Variants in ANK2 observed in about 807,000 individuals in gnomAD.
The protein encoded by ANK2 is ankyrin 2.
Under a neutral mutation model 360.5 loss-of-function variants are expected in ANK2, and 83 were observed. That is an observed-to-expected ratio of 0.23 (90% CI 0.19 to 0.28). The LOEUF (loss-of-function observed/expected upper bound fraction) is 0.28, where lower values mean the gene tolerates loss of function less well. Among genes scored for constraint, ANK2 ranks in the 10% least tolerant of loss-of-function variants. ANK2 has a pLI of 1.00. For missense variants in ANK2, 4,201 were observed against 4,795.7 expected (o/e 0.88, Z 3.66); for synonymous variants, 1,740 against 1,759.5 (o/e 0.99, Z 0.28).
At position 113,278,709 on chromosome 4, in the gene ANK2, T is replaced by C; in HGVS notation, c.1881+151T>C. ...TATTGACACCCTTTTTTTTCCCTTGTATTTCTGCCAGTTGCGTCTTGAAAA... is the reference window on the plus strand; with the variant it reads ...TATTGACACCCTTTTTTTTCCCTTGCATTTCTGCCAGTTGCGTCTTGAAAA... On this transcript the variant is annotated intron_variant, in intron 17 of 45. Transcript: ENST00000357077. 4 of 767,572 alleles carry C rather than the reference T, an allele frequency of 5.2e-6. 1 individual carries two copies. The Admixed American group carries it at 7.1e-5, about 14-fold the overall frequency. 47.5% of individuals were successfully genotyped at this position (767,572 alleles called of 1,614,324 possible).
chr4:113,346,521 T>C (rs1396220668), intron 35 of ANK2, among the ~76,000 whole-genome samples: 1 of 152,128 alleles, frequency 6.6e-6, no homozygotes, highest in East Asian at 1.9e-4. Flanking sequence ...TTTTTCTAAG[T>C]AATTAACTAT....
intron 4 of ANK2, among the ~76,000 whole-genome samples, chr4:113,212,128 A>G (rs2099029846): frequency 6.6e-6 from 1 of 152,216 alleles, no homozygotes; most frequent in African/African-American, 2.4e-5. Context: ...CTGAGAGTTT[A>G]GGTAACTGCC....
chr4:113,226,157 C>T (rs991115437), intron 4 of ANK2, among the ~76,000 whole-genome samples: 44 of 152,168 alleles, frequency 2.9e-4, no homozygotes, highest in Non-Finnish European at 1.3e-4. Context: ...CTCTTCTGGA[C>T]TATAGTCTGG....
intron 1 of ANK2, among the ~76,000 whole-genome samples, chr4:113,152,091 AAAAG>A (rs2097118180): frequency 1.3e-5 from 1 of 78,484 alleles, no homozygotes; most frequent in Admixed American, 1.2e-4. Flanking sequence ...AAAAAAAAAA[AAAAG>A]AAAAAAGAAG....
chr4:112,815,663 G>A (rs1361427067), upstream of ANK2, among the ~76,000 whole-genome samples: 6 of 152,156 alleles, frequency 3.9e-5, no homozygotes, highest in African/African-American at 1.2e-4. Context: ...CTCCATAGAG[G>A]GGAGGGGGGC....
At chr4:112,854,755 T>C (rs1233068537) in intron 1 of ANK2, among the ~76,000 whole-genome samples, 7 of 152,220 alleles carry the variant, frequency 4.6e-5, no homozygotes, top group Non-Finnish European at 8.8e-5. Context: ...ATAGTGGATA[T>C]GTAGTTTCAG....
Position 113,369,158 on chromosome 4 carries a change from C to T in ANK2, c.11319-356C>T, listed in dbSNP as rs912977177. Among the ~76,000 whole-genome samples, 3 of 152,168 alleles carry T rather than the reference C, an allele frequency of 2.0e-5. 1 individual carries two copies. Among genetic ancestry groups the T allele is most frequent in the South Asian group, 4.1e-4 (2 of 4,826 alleles). ...CTTGCTTCAAAAGCCTTATTATCTA[C>T]AAATACTTATGTAAAATTCCTCGCA... On this transcript the variant is annotated intron_variant, in intron 42 of 45. Coordinates refer to ENST00000357077, the MANE Select transcript of ANK2 (RefSeq NM_001148.6).
intron 2 of ANK2, among the ~76,000 whole-genome samples, chr4:113,028,616 C>G (rs529111225): frequency 1.3e-5 from 2 of 152,098 alleles, no homozygotes; most frequent in Non-Finnish European, 2.9e-5. Flanking sequence ...TGAAGGAAGG[C>G]TGGAGATTTA....
intron 2 of ANK2, among the ~76,000 whole-genome samples, chr4:112,957,005 T>TTG (rs1348068562): frequency 2.8e-5 from 4 of 143,780 alleles, no homozygotes; most frequent in Non-Finnish European, 3.0e-5. Flanking sequence ...ACTATTGCTC[T>TTG]TGTTTTTTTT....
At chr4:112,712,698 C>T in the ANK2 span, among the ~76,000 whole-genome samples, 8 of 152,104 alleles carry the variant, frequency 5.3e-5, no homozygotes, top group East Asian at 5.8e-4. Context: ...TGAGCCACTG[C>T]GCCCGGCCAA....
chr4:112,975,083 C>T (rs966936521), intron 2 of ANK2, among the ~76,000 whole-genome samples: 2 of 152,136 alleles, frequency 1.3e-5, no homozygotes, highest in Non-Finnish European at 2.9e-5. Flanking sequence ...TCATATATCA[C>T]GTTGCTTTTC....
chr4:112,729,609 ATGG>A, the ANK2 span, among the ~76,000 whole-genome samples: 8 of 151,960 alleles, frequency 5.3e-5, no homozygotes, highest in Non-Finnish European at 1.2e-4. Flanking sequence ...TTATCTGGGC[ATGG>A]TGGTGCATGC....
At chr4:113,266,368 G>C (rs1250440520) in intron 14 of ANK2, among the ~76,000 whole-genome samples, 1 of 152,154 alleles carries the variant, frequency 6.6e-6, no homozygotes, top group African/African-American at 2.4e-5. Flanking sequence ...GTGGGCATTT[G>C]GGTTGCTTCC....
chr4:113,315,888 C>T (rs368085083), intron 24 of ANK2, among the ~76,000 whole-genome samples: 89 of 125,900 alleles, frequency 7.1e-4, no homozygotes, highest in African/African-American at 2.1e-3. Context: ...CAGAGCGAGA[C>T]TCCGTCTCAA....
At chr4:112,801,131 A>C in the ANK2 span, among the ~76,000 whole-genome samples, 4 of 152,150 alleles carry the variant, frequency 2.6e-5, no homozygotes, top group African/African-American at 9.7e-5. Flanking sequence ...GAGGGCATAC[A>C]TTGACAACTG....
In ANK2 at chr4:113,333,156, C is replaced by T. The variant is rs1437464551; in HGVS notation, c.3327C>T (p.Phe1109=). ...SENGDSWKEH[F]CDYTEDELNE... Reference sequence around the variant, plus strand: ...ATGGGGACAGCTGGAAAGAGCATTTCTGTGACTACACTGAAGATGAATTGA... The same window carrying T: ...ATGGGGACAGCTGGAAAGAGCATTTTTGTGACTACACTGAAGATGAATTGA... The change falls in exon 29 of 46, where the codon TTC becomes TTT. Residue 1109 remains phenylalanine, a synonymous_variant. Coordinates refer to ENST00000357077, the MANE Select transcript of ANK2 (RefSeq NM_001148.6). The T allele has an allele frequency of 1.9e-6, 3 of 1,614,076 alleles. No homozygotes were observed. In the African/African-American group the frequency reaches 4.0e-5, roughly 22 times the overall value.
chr4:113,172,323 G>T lies in ANK2; in HGVS notation c.85-2093G>T, dbSNP rs140822696. Among the ~76,000 whole-genome samples, 344 of 152,294 alleles carry T rather than the reference G, an allele frequency of 2.3e-3. 2 individuals are homozygous for T. The highest frequency in any genetic ancestry group is 7.9e-3 in the African/African-American group (327 of 41,578). On this transcript the variant is annotated intron_variant, in intron 1 of 45. Transcript: ENST00000357077. ...GGTGAAATAAACCTAGAGCTCACAGGCTAGGAATCTGTAGTAATATTCACT... is the reference window on the plus strand; with the variant it reads ...GGTGAAATAAACCTAGAGCTCACAGTCTAGGAATCTGTAGTAATATTCACT...
intron 2 of ANK2, among the ~76,000 whole-genome samples, chr4:113,184,054 A>G (rs1275693961): frequency 6.9e-6 from 1 of 145,086 alleles, no homozygotes; most frequent in Non-Finnish European, 1.6e-5. Context: ...GCTTCCCTGA[A>G]GTCTACTCAA....
At chr4:113,070,799 C>T (rs887281473) in intron 1 of ANK2, among the ~76,000 whole-genome samples, 8 of 152,052 alleles carry the variant, frequency 5.3e-5, no homozygotes, top group Non-Finnish European at 1.2e-4. Flanking sequence ...TTTGAAAACA[C>T]TTAAACACTA....
Sources: gnomAD v4.1 joint callset for allele counts (sites outside exome capture counted in the v4.1 genomes callset) on GRCh38, gnomAD v4.1.1 for gene constraint, MANE v1.5 for transcripts, NCBI Gene and HGNC (gene_info 2026-07-23, HGNC 2026-07-21) for gene names.